The following MTMR1 variants were observed in gnomAD, a reference collection of about 807,000 sequenced individuals.
MTMR1 encodes the protein myotubularin related protein 1.
Under a neutral mutation model 51.6 loss-of-function variants are expected in MTMR1, and 17 were observed. That is an observed-to-expected ratio of 0.33 (90% CI 0.23 to 0.49). The LOEUF (loss-of-function observed/expected upper bound fraction) is 0.49. Among genes scored for constraint, MTMR1 ranks in the 20% least tolerant of loss-of-function variants. The pLI is 0.99. For missense variants in MTMR1, 386 were observed against 526.9 expected (o/e 0.73, Z 2.62); for synonymous variants, 201 against 205.6 (o/e 0.98, Z 0.19).
intron 11 of MTMR1, 62 bp from the exon 12 acceptor site, chrX:150,737,180 A>AT (rs2042297285): frequency 9.3e-7 from 1 of 1,071,398 alleles, no homozygotes; most frequent in Non-Finnish European, 1.3e-6. Context: ...ATTATTTTAC[A>AT]TTGTTTTACA....
intron 3 of MTMR1, chrX:150,714,417 T>A (rs917343451): frequency 5.1e-6 from 4 of 779,233 alleles, no homozygotes; most frequent in Non-Finnish European, 7.0e-6. Flanking sequence ...CACCTGTCTG[T>A]TTGCACGTGT....
chrX:150,752,565 TAAAATC>T (rs2042775971), intron 14 of MTMR1, among the ~76,000 whole-genome samples: 1 of 106,486 alleles, frequency 9.4e-6, no homozygotes, highest in African/African-American at 3.4e-5. Context: ...TTAAAACAAA[TAAAATC>T]AGAAGCAGAA....
rs1557418169 is a variant in MTMR1, at chrX:150,763,232, G to GT, written c.*504dup. ...ACAATTACTGTTGTGTACATATAAG[G>GT]TATTTTTAGAGAAGAGAAACAGGCC... On this transcript the variant is annotated 3_prime_UTR_variant, in exon 16 of 16. Coordinates refer to ENST00000445323, the MANE Select transcript of MTMR1 (RefSeq NM_001306144.3). 1 of 113,630 alleles carries GT rather than the reference G, an allele frequency of 8.8e-6. No homozygotes were observed. Among genetic ancestry groups the GT allele is most frequent in the Admixed American group, 9.3e-5 (1 of 10,809 alleles). The allele number at this position is 113,630 out of a possible 1,213,427, so 9.4% of individuals were successfully genotyped here. A position where few individuals can be genotyped will look rare whatever the true frequency, so the allele number is the denominator to read the frequency against.
intron 15 of MTMR1, among the ~76,000 whole-genome samples, chrX:150,758,317 G>T (rs960398167): frequency 9.0e-6 from 1 of 110,594 alleles, no homozygotes; most frequent in Non-Finnish European, 1.9e-5. Context: ...TACTCTCCCC[G>T]CCTCAGTCTG....
chrX:150,757,065 G>C (rs1557417781), intron 15 of MTMR1, among the ~76,000 whole-genome samples: 3 of 112,473 alleles, frequency 2.7e-5, no homozygotes, highest in African/African-American at 9.7e-5. Flanking sequence ...ACAGAAATCT[G>C]CCTTCCTCTC....
rs782657404 is a variant in MTMR1 at position 150,761,904 on chromosome X, CT to C, written c.1858-660del. On this transcript the variant is annotated intron_variant, in intron 15 of 15. Transcript: ENST00000445323. Reference sequence around the variant, plus strand: ...AAACCTTTCTTGTTTATATTCACCCCTGCCCCACAGTTGATGGGTTTAAAAG... The same window carrying C: ...AAACCTTTCTTGTTTATATTCACCCCGCCCCACAGTTGATGGGTTTAAAAG... Among the ~76,000 whole-genome samples the C allele has an allele frequency of 3.6e-5, 4 of 112,361 alleles. No homozygotes were observed. The South Asian group carries it at 1.1e-3, about 31-fold the overall frequency.
intron 14 of MTMR1, among the ~76,000 whole-genome samples, chrX:150,752,184 C>T (rs1374521988): frequency 9.0e-6 from 1 of 111,028 alleles, no homozygotes; most frequent in Non-Finnish European, 1.9e-5. Context: ...TCCCAAAGTG[C>T]TAGGATTATT....
chrX:150,695,569 T>TA (rs1273546733), intron 1 of MTMR1, among the ~76,000 whole-genome samples: 2 of 112,222 alleles, frequency 1.8e-5, no homozygotes, highest in Non-Finnish European at 3.8e-5. Flanking sequence ...TCCAAAATTT[T>TA]AGCTTGTGGG....
chrX:150,705,298 A>G lies in MTMR1; in HGVS notation c.252+5998A>G, dbSNP rs1411732338. Among the ~76,000 whole-genome samples, 3 of 111,786 alleles carry G rather than the reference A, an allele frequency of 2.7e-5. No homozygotes were observed. The Admixed American group carries it at 2.8e-4, about 11-fold the overall frequency. On this transcript the variant is annotated intron_variant, in intron 2 of 15. Coordinates refer to ENST00000445323, the MANE Select transcript of MTMR1 (RefSeq NM_001306144.3). The stretch of plus-strand genomic sequence containing the variant: ...GAGAGAGAGGGGATGGGGCTGAAAA[A>G]GCACCTGAAGAAGTAATGGCTGGAA...
intron 15 of MTMR1, among the ~76,000 whole-genome samples, chrX:150,762,288 G>A (rs367963861): frequency 8.9e-6 from 1 of 112,388 alleles, no homozygotes; most frequent in East Asian, 2.8e-4. Context: ...GTGCCTGCTT[G>A]TCTTCTGAGA....
intron 15 of MTMR1, 36 bp from the exon 16 acceptor site, chrX:150,762,528 TG>T (rs782743023): frequency 1.7e-6 from 2 of 1,207,514 alleles, no homozygotes; most frequent in African/African-American, 3.5e-5. Flanking sequence ...GGTAGGAGGA[TG>T]GCCTGATAAT....
intron 1 of MTMR1, among the ~76,000 whole-genome samples, chrX:150,695,249 G>A (rs2040630666): frequency 8.9e-6 from 1 of 112,314 alleles, no homozygotes; most frequent in African/African-American, 3.2e-5. Context: ...CACAGAGCCA[G>A]ATGGTGGAGA....
chrX:150,746,257 T>G (rs2042572481), intron 13 of MTMR1, among the ~76,000 whole-genome samples: 1 of 111,739 alleles, frequency 8.9e-6, no homozygotes, highest in Non-Finnish European at 1.9e-5. Context: ...ACAAACTGAT[T>G]GGGGTCTCAC....
At chrX:150,758,370 T>C (rs1428372234) in intron 15 of MTMR1, among the ~76,000 whole-genome samples, 1 of 111,919 alleles carries the variant, frequency 8.9e-6, no homozygotes, top group Non-Finnish European at 1.9e-5. Context: ...GGCCTTTTGC[T>C]CCTGCCTAAC....
chrX:150,704,400 T>A (rs2041022775), intron 2 of MTMR1, among the ~76,000 whole-genome samples: 1 of 111,857 alleles, frequency 8.9e-6, no homozygotes, highest in African/African-American at 3.3e-5. Context: ...GAGAGCCTGG[T>A]TTCCACCCTT....
At chrX:150,761,077 T>C (rs1260745558) in intron 15 of MTMR1, among the ~76,000 whole-genome samples, 1 of 111,711 alleles carries the variant, frequency 9.0e-6, no homozygotes, top group African/African-American at 3.3e-5. Context: ...GTCTTGCTTC[T>C]TGCTGAGGTC....
At chrX:150,731,384 G>C in intron 8 of MTMR1, 86 bp from the exon 9 acceptor site, 1 of 820,237 alleles carries the variant, frequency 1.2e-6, no homozygotes, top group South Asian at 4.8e-5. Flanking sequence ...TTGCAAATAA[G>C]AAATGGATGT....
In MTMR1 at chrX:150,762,640, C is replaced by T. The variant is rs782567674; in HGVS notation, c.1933C>T (p.Arg645Trp). ...ELQKRVEGLQ[R>W]EVATRAVSSS... ...GCAGAAGCGTGTGGAGGGCCTACAGCGGGAGGTGGCCACGCGCGCCGTCTC... is the reference window on the plus strand; with the variant it reads ...GCAGAAGCGTGTGGAGGGCCTACAGTGGGAGGTGGCCACGCGCGCCGTCTC... Residue 645 changes from arginine (R) to tryptophan (W), a missense_variant, in exon 16 of 16, where the codon CGG (arginine) becomes TGG (tryptophan). Transcript: ENST00000445323. The T allele has an allele frequency of 9.1e-6, 11 of 1,210,808 alleles. No individual in the cohort carries two copies. The highest frequency in any genetic ancestry group is 1.7e-5 in the African/African-American group (1 of 57,835).
At chrX:150,744,734 C>G (rs2042529039) in intron 13 of MTMR1, among the ~76,000 whole-genome samples, 2 of 111,917 alleles carry the variant, frequency 1.8e-5, no homozygotes, top group African/African-American at 3.3e-5. Context: ...GCTTTTGCTC[C>G]CCTTCAAAAG....
Sources: gnomAD v4.1 joint callset for allele counts (sites outside exome capture counted in the v4.1 genomes callset) on GRCh38, gnomAD v4.1.1 for gene constraint, MANE v1.5 for transcripts, NCBI Gene and HGNC (gene_info 2026-07-23, HGNC 2026-07-21) for gene names.